Variants in OR1L4 observed in about 807,000 individuals in gnomAD.
OR1L4 encodes olfactory receptor family 1 subfamily L member 4, also known as olfactory receptor 1L4.
In OR1L4, 4 loss-of-function variants were observed where a neutral mutation model predicts 3.5. The ratio of observed to expected loss-of-function variants is 1.15; its 90% CI spans 0.57 to 2.63. OR1L4 has a LOEUF of 2.63. Ranked by LOEUF, OR1L4 falls within the 30% of genes most tolerant of loss-of-function variation. The pLI is 0.02. For synonymous variants in OR1L4, 123 were observed against 149.1 expected (o/e 0.83, Z 1.27); for missense variants, 291 against 378.5 (o/e 0.77, Z 1.92).
Position 122,724,785 on chromosome 9 carries a change from A to G in OR1L4, c.796A>G (p.Met266Val), listed in dbSNP as rs957090877. Reference protein sequence around the residue: ...VIYVYFRPLSMYSVMKGRVAT... With the variant: ...VIYVYFRPLSVYSVMKGRVAT... ...CTATGTCTATTTTAGGCCTCTGTCC[A>G]TGTACTCAGTGATGAAGGGCCGGGT... is the stretch of plus-strand genomic sequence containing the variant. Residue 266 changes from methionine (M) to valine (V), a missense_variant, in exon 1 of 1, where the codon ATG (methionine) becomes GTG (valine). By Grantham distance (21) the Met-to-Val change is conservative. This residue lies in a region of OR1L4 where 62 missense variants were observed against 71.8 expected (regional missense o/e 0.86). Coordinates refer to ENST00000259466, the MANE Select transcript of OR1L4 (RefSeq NM_001005235.1). 7.4e-6 allele frequency: 12 copies of G among 1,614,104 alleles called. 1 individual carries two copies. The highest frequency in any genetic ancestry group is 1.6e-4 in the Middle Eastern group (1 of 6,062).
rs774684851 is a variant in OR1L4, at chr9:122,724,868, G to C, written c.879G>C (p.Leu293=). The part of the protein sequence containing the change: ...TPMLNPFIYS[L]RNKDMKRGLK... ...TGCTGAACCCTTTCATCTACAGCCT[G>C]AGGAACAAAGATATGAAAAGGGGTT... The change falls in exon 1 of 1, where the codon CTG becomes CTC. Residue 293 remains leucine (L), a synonymous_variant. Transcript: ENST00000259466. 10 of 1,613,138 alleles carry C rather than the reference G, an allele frequency of 6.2e-6. No homozygotes were observed. Among genetic ancestry groups the C allele is most frequent in the African/African-American group, 2.7e-5 (2 of 74,820 alleles).
At position 122,724,064 on chromosome 9, in the gene OR1L4, G is replaced by A. The variant is rs1389387531; in HGVS notation, c.75G>A (p.Gln25=). 3.7e-6 allele frequency: 6 copies of A among 1,614,128 alleles called. 1 individual carries two copies. The South Asian group carries it at 6.6e-5, about 18-fold the overall frequency. Residue 25 remains glutamine (Q), a synonymous_variant, in exon 1 of 1, where the codon CAG becomes CAA. Coordinates refer to ENST00000259466, the MANE Select transcript of OR1L4 (RefSeq NM_001005235.1). ...LLGLSSNPKL[Q]KPLFAIFLIM... ...GCCTCTCTTCCAACCCTAAGCTGCAGAAACCTCTCTTTGCCATCTTCCTCA... is the reference window on the plus strand; with the variant it reads ...GCCTCTCTTCCAACCCTAAGCTGCAAAAACCTCTCTTTGCCATCTTCCTCA...
At position 122,724,127 on chromosome 9, in the gene OR1L4, C is replaced by G. The variant is rs2118893050; in HGVS notation, c.138C>G (p.Ile46Met). 1 of 1,614,190 alleles carries G rather than the reference C, an allele frequency of 6.2e-7. No homozygotes were observed. The highest frequency in any genetic ancestry group is 8.5e-7 in the Non-Finnish European group (1 of 1,180,036). ...YLLTAVGNVL[I>M]ILAIYSDPRL... ...TCACTGCGGTGGGGAATGTGCTCAT[C>G]ATCCTGGCCATCTACTCTGACCCCA... Residue 46 changes from isoleucine to methionine, a missense_variant, in exon 1 of 1, where the codon ATC becomes ATG. Physicochemically the swap from Ile to Met is conservative, Grantham distance 10 (BLOSUM62 1). This residue lies in a region of OR1L4 where 165 missense variants were observed against 169.9 expected (regional missense o/e 0.97). Coordinates refer to ENST00000259466, the MANE Select transcript of OR1L4 (RefSeq NM_001005235.1).
rs1828630521 is a variant in OR1L4 at position 122,724,862 on chromosome 9, C to T, written c.873C>T (p.Tyr291=). The change falls in exon 1 of 1, where the codon TAC becomes TAT. Residue 291 remains tyrosine (Y), a synonymous_variant. Transcript: ENST00000259466. ...CACCCATGCTGAACCCTTTCATCTA[C>T]AGCCTGAGGAACAAAGATATGAAAA... ...VVTPMLNPFI[Y]SLRNKDMKRG... The T allele has an allele frequency of 3.7e-6, 6 of 1,613,782 alleles. No homozygotes were observed. The South Asian group carries it at 5.5e-5, about 15-fold the overall frequency.
At position 122,724,339 on chromosome 9, in the gene OR1L4, C is replaced by T; in HGVS notation, c.350C>T (p.Ala117Val). 2 of 1,614,192 alleles carry T rather than the reference C, an allele frequency of 1.2e-6. No individual in the cohort carries two copies. Among genetic ancestry groups the T allele is most frequent in the Non-Finnish European group, 1.7e-6 (2 of 1,180,032 alleles). Reference sequence around the variant, plus strand: ...GGGAACACTGACAGCTACCTGCTGGCCTCTATGGCCATCGACCGGCTGGTG... The same window carrying T: ...GGGAACACTGACAGCTACCTGCTGGTCTCTATGGCCATCGACCGGCTGGTG... Reference protein sequence around the residue: ...AFGNTDSYLLASMAIDRLVAI... With the variant: ...AFGNTDSYLLVSMAIDRLVAI... The change falls in exon 1 of 1, where the codon GCC becomes GTC. Residue 117 changes from alanine (A) to valine (V), a missense_variant. Transcript: ENST00000259466.
In OR1L4 at chr9:122,724,769, T is replaced by G; in HGVS notation, c.780T>G (p.Tyr260Ter). The G allele has an allele frequency of 1.2e-6, 2 of 1,614,154 alleles. No individual in the cohort carries two copies. The highest frequency in any genetic ancestry group is 1.7e-6 in the Non-Finnish European group (2 of 1,180,022). The change falls in exon 1 of 1, where the codon TAT becomes TAG. Residue 260 changes from tyrosine (Y) to a stop codon, truncating the protein, a stop_gained. Transcript: ENST00000259466. LOFTEE classifies it high-confidence loss of function. The part of the protein sequence containing the change: ...VLFYGSVIYV[Y>*]FRPLSMYSVM... ...TCTATGGGAGTGTCATCTATGTCTA[T>G]TTTAGGCCTCTGTCCATGTACTCAG...
At position 122,724,047 on chromosome 9, in the gene OR1L4, T is replaced by C. The variant is rs745546740; in HGVS notation, c.58T>C (p.Ser20Pro). The C allele has an allele frequency of 5.6e-6, 9 of 1,614,102 alleles. No individual in the cohort carries two copies. In the Admixed American group the frequency reaches 1.5e-4, roughly 27 times the overall value. The stretch of plus-strand genomic sequence containing the variant: ...AGGCTTCATCCTCCTGGGCCTCTCT[T>C]CCAACCCTAAGCTGCAGAAACCTCT... The part of the protein sequence containing the change: ...TSGFILLGLS[S>P]NPKLQKPLFA... The change falls in exon 1 of 1, where the codon TCC (serine) becomes CCC (proline). Residue 20 changes from serine to proline, a missense_variant. Ser to Pro is a moderately conservative substitution (Grantham distance 74). Transcript: ENST00000259466.
chr9:122,724,124 C>T lies in OR1L4; in HGVS notation c.135C>T (p.Leu45=). The change falls in exon 1 of 1, where the codon CTC becomes CTT. Residue 45 remains leucine (L), a synonymous_variant. Transcript: ENST00000259466. The stretch of plus-strand genomic sequence containing the variant: ...TACTCACTGCGGTGGGGAATGTGCT[C>T]ATCATCCTGGCCATCTACTCTGACC... ...MYLLTAVGNV[L]IILAIYSDPR... 1 of 1,614,134 alleles carries T rather than the reference C, an allele frequency of 6.2e-7. No individual in the cohort carries two copies.
rs780864173 is a variant in OR1L4 at position 122,724,651 on chromosome 9, A to G, written c.662A>G (p.Gln221Arg). 16 of 1,614,128 alleles carry G rather than the reference A, an allele frequency of 9.9e-6. No individual in the cohort carries two copies. The African/African-American group carries it at 1.6e-4, about 16-fold the overall frequency. The change falls in exon 1 of 1, where the codon CAA (glutamine) becomes CGA (arginine). Residue 221 changes from glutamine (Q) to arginine (R), a missense_variant. Coordinates refer to ENST00000259466, the MANE Select transcript of OR1L4 (RefSeq NM_001005235.1). The stretch of plus-strand genomic sequence containing the variant: ...CTGTGTACCATCTTCTCCTACCTGC[A>G]AATCATCGTCACTGTGCTCAGAATC... ...PFLCTIFSYLQIIVTVLRIPS... is the reference protein window; with the variant it reads ...PFLCTIFSYLRIIVTVLRIPS...
In OR1L4 at chr9:122,724,925, G is replaced by A. The variant is rs1376623536; in HGVS notation, c.936G>A (p.Ter312=). 1 of 1,587,930 alleles carries A rather than the reference G, an allele frequency of 6.3e-7. No homozygotes were observed. Among genetic ancestry groups the A allele is most frequent in the East Asian group, 2.2e-5 (1 of 44,628 alleles). The change falls in exon 1 of 1, where the codon TAG becomes TAA. Residue 312 remains the stop codon, a stop_retained_variant. Coordinates refer to ENST00000259466, the MANE Select transcript of OR1L4 (RefSeq NM_001005235.1). ...LKKLRHRIYS[*] ...AATTAAGACACAGAATTTACTCATA[G>A]AAAGAACAAAATGTTGGCATGTCAA...
Position 122,724,914 on chromosome 9 carries a change from A to G in OR1L4, c.925A>G (p.Ile309Val). Residue 309 changes from isoleucine to valine, a missense_variant, in exon 1 of 1, where the codon ATT becomes GTT. This residue lies in a region of OR1L4 where 62 missense variants were observed against 71.8 expected (regional missense o/e 0.86). Transcript: ENST00000259466. ...KRGLKKLRHR[I>V]YS The stretch of plus-strand genomic sequence containing the variant: ...GGGTTTGAAGAAATTAAGACACAGA[A>G]TTTACTCATAGAAAGAACAAAATGT... 3.8e-6 allele frequency: 6 copies of G among 1,598,660 alleles called. No homozygotes were observed. Among genetic ancestry groups the G allele is most frequent in the Non-Finnish European group, 5.1e-6 (6 of 1,173,628 alleles).
chr9:122,724,912 G>A lies in OR1L4; in HGVS notation c.923G>A (p.Arg308Lys). Residue 308 changes from arginine (R) to lysine (K), a missense_variant, in exon 1 of 1, where the codon AGA (arginine) becomes AAA (lysine). Around this residue, in one of 3 missense-constraint regions of OR1L4, gnomAD observed 62 missense variants for 71.8 expected, o/e 0.86. Coordinates refer to ENST00000259466, the MANE Select transcript of OR1L4 (RefSeq NM_001005235.1). ...MKRGLKKLRH[R>K]IYS Reference sequence around the variant, plus strand: ...AGGGGTTTGAAGAAATTAAGACACAGAATTTACTCATAGAAAGAACAAAAT... The same window carrying A: ...AGGGGTTTGAAGAAATTAAGACACAAAATTTACTCATAGAAAGAACAAAAT... 2.5e-6 allele frequency: 4 copies of A among 1,598,982 alleles called. No homozygotes were observed. The South Asian group carries it at 3.4e-5, about 14-fold the overall frequency.
At position 122,724,322 on chromosome 9, in the gene OR1L4, T is replaced by A. The variant is rs1443124753; in HGVS notation, c.333T>A (p.Thr111=). The change falls in exon 1 of 1, where the codon ACT becomes ACA. Residue 111 remains threonine (T), a synonymous_variant. Coordinates refer to ENST00000259466, the MANE Select transcript of OR1L4 (RefSeq NM_001005235.1). ...QMYFFMAFGN[T]DSYLLASMAI... Reference sequence around the variant, plus strand: ...ACTTCTTCATGGCATTTGGGAACACTGACAGCTACCTGCTGGCCTCTATGG... The same window carrying A: ...ACTTCTTCATGGCATTTGGGAACACAGACAGCTACCTGCTGGCCTCTATGG... 2 of 1,614,230 alleles carry A rather than the reference T, an allele frequency of 1.2e-6. No homozygotes were observed. The highest frequency in any genetic ancestry group is 1.7e-6 in the Non-Finnish European group (2 of 1,180,036).
rs770313897 is a variant in OR1L4 at position 122,724,751 on chromosome 9, G to C, written c.762G>C (p.Gly254=). ...TCACTGTAGTGGTCCTGTTCTATGG[G>C]AGTGTCATCTATGTCTATTTTAGGC... ...SHLTVVVLFY[G]SVIYVYFRPL... Residue 254 remains glycine (G), a synonymous_variant, in exon 1 of 1, where the codon GGG becomes GGC. Coordinates refer to ENST00000259466, the MANE Select transcript of OR1L4 (RefSeq NM_001005235.1). 3.7e-6 allele frequency: 6 copies of C among 1,613,990 alleles called. No homozygotes were observed. In the Admixed American group the frequency reaches 1.0e-4, roughly 27 times the overall value.
At position 122,724,292 on chromosome 9, in the gene OR1L4, G is replaced by A. The variant is rs750422304; in HGVS notation, c.303G>A (p.Gln101=). ...TCTCTTATGTGGGCTGCCTGATCCA[G>A]ATGTACTTCTTCATGGCATTTGGGA... ...KIISYVGCLI[Q]MYFFMAFGNT... The change falls in exon 1 of 1, where the codon CAG becomes CAA. Residue 101 remains glutamine, a synonymous_variant. Transcript: ENST00000259466. 6 of 1,614,182 alleles carry A rather than the reference G, an allele frequency of 3.7e-6. No homozygotes were observed. The Admixed American group carries it at 8.3e-5, about 22-fold the overall frequency.
rs1396814951 is a variant in OR1L4, at chr9:122,724,133, G to T, written c.144G>T (p.Leu48=). 1 of 1,614,012 alleles carries T rather than the reference G, an allele frequency of 6.2e-7. No individual in the cohort carries two copies. Among genetic ancestry groups the T allele is most frequent in the Non-Finnish European group, 8.5e-7 (1 of 1,179,988 alleles). ...LTAVGNVLII[L]AIYSDPRLHT... is the part of the protein sequence containing the mutation. ...CGGTGGGGAATGTGCTCATCATCCT[G>T]GCCATCTACTCTGACCCCAGGCTCC... The change falls in exon 1 of 1, where the codon CTG becomes CTT. Residue 48 remains leucine, a synonymous_variant. Transcript: ENST00000259466.
Position 122,724,250 on chromosome 9 carries a change from A to G in OR1L4, c.261A>G (p.Leu87=), listed in dbSNP as rs1828617892. 13 of 1,614,064 alleles carry G rather than the reference A, an allele frequency of 8.1e-6. No homozygotes were observed. The highest frequency in any genetic ancestry group is 2.2e-5 in the South Asian group (2 of 91,090). ...VIVPKMLVNF[L]SETKIISYVG... The stretch of plus-strand genomic sequence containing the variant: ...TGCCTAAGATGCTGGTGAATTTTCT[A>G]TCAGAGACAAAGATTATCTCTTATG... The change falls in exon 1 of 1, where the codon CTA becomes CTG. Residue 87 remains leucine, a synonymous_variant. Transcript: ENST00000259466.
Position 122,724,320 on chromosome 9 carries a change from A to T in OR1L4, c.331A>T (p.Thr111Ser). 6.2e-7 allele frequency: 1 copy of T among 1,614,222 alleles called. No homozygotes were observed. Among genetic ancestry groups the T allele is most frequent in the Non-Finnish European group, 8.5e-7 (1 of 1,180,042 alleles). ...GTACTTCTTCATGGCATTTGGGAAC[A>T]CTGACAGCTACCTGCTGGCCTCTAT... ...QMYFFMAFGNTDSYLLASMAI... is the reference protein window; with the variant it reads ...QMYFFMAFGNSDSYLLASMAI... The change falls in exon 1 of 1, where the codon ACT (threonine) becomes TCT (serine). Residue 111 changes from threonine to serine, a missense_variant. Thr to Ser is a moderately conservative substitution (Grantham distance 58). Coordinates refer to ENST00000259466, the MANE Select transcript of OR1L4 (RefSeq NM_001005235.1).
chr9:122,724,010 C>G lies in OR1L4; in HGVS notation c.21C>G (p.Ser7Arg). 2.5e-6 allele frequency: 4 copies of G among 1,614,086 alleles called. No individual in the cohort carries two copies. The highest frequency in any genetic ancestry group is 3.4e-6 in the Non-Finnish European group (4 of 1,179,996). ...GAGACATGGAGACAAAGAATTATAGCAGCAGCACCTCAGGCTTCATCCTCC... is the reference window on the plus strand; with the variant it reads ...GAGACATGGAGACAAAGAATTATAGGAGCAGCACCTCAGGCTTCATCCTCC... METKNY[S>R]SSTSGFILLG... Residue 7 changes from serine to arginine, a missense_variant, in exon 1 of 1, where the codon AGC becomes AGG. This residue lies in a region of OR1L4 where 165 missense variants were observed against 169.9 expected (regional missense o/e 0.97). Transcript: ENST00000259466.
Sources: allele counts gnomAD v4.1 joint callset, GRCh38; gene constraint gnomAD v4.1.1; regional missense constraint gnomAD v4.1.1; transcripts MANE v1.5; gene names NCBI Gene and HGNC (gene_info 2026-07-23, HGNC 2026-07-21).